IL17RE: variants seen among roughly 807,000 people sequenced by gnomAD.
IL17RE encodes the protein interleukin-17 receptor E.
IL17RE carries 47 observed loss-of-function variants against 70.7 expected under a neutral mutation model. The observed-to-expected ratio is 0.67, with a 90% CI of 0.53 to 0.85. IL17RE has a LOEUF of 0.85. IL17RE is among the 40% of genes least tolerant of loss of function. IL17RE has a pLI of 0.00. For synonymous variants in IL17RE, 372 were observed against 381.2 expected (o/e 0.98, Z 0.28); for missense variants, 850 against 893.9 (o/e 0.95, Z 0.63).
intron 5 of IL17RE, 41 bp downstream of exon 5, chr3:9,906,906 G>A (rs2082771342): frequency 6.2e-7 from 1 of 1,614,140 alleles, no homozygotes; most frequent in Non-Finnish European, 8.5e-7. Flanking sequence ...CAGCTGAGTG[G>A]TGGTACCAGT....
Position 9,914,726 on chromosome 3 carries a change from C to T in IL17RE, c.1396C>T (p.Leu466Phe). Residue 466 changes from leucine (L) to phenylalanine (F), a missense_variant, in exon 15 of 16, where the codon CTC becomes TTC. Coordinates refer to ENST00000383814, the MANE Select transcript of IL17RE (RefSeq NM_153480.2). Reference protein sequence around the residue: ...GLLILALLALLTLLGVVLALT... With the variant: ...GLLILALLALFTLLGVVLALT... ...CTTGATCCTGGCACTGCTGGCCCTC[C>T]TCACCCTACTGGGTGTTGTTCTGGC... 2 of 1,614,126 alleles carry T rather than the reference C, an allele frequency of 1.2e-6. No homozygotes were observed. The highest frequency in any genetic ancestry group is 1.7e-5 in the Admixed American group (1 of 60,018).
chr3:9,903,560 C>A, intron 2 of IL17RE, 148 bp downstream of exon 2: 1 of 839,866 alleles, frequency 1.2e-6, no homozygotes. Context: ...AGCCTGGGTT[C>A]ACATTGCAGT....
At chr3:9,911,758 T>G in intron 12 of IL17RE, 161 bp downstream of exon 12, 1 of 646,272 alleles carries the variant, frequency 1.5e-6, no homozygotes, top group South Asian at 2.3e-5. Flanking sequence ...TCAGCTAACT[T>G]GCTGACAGTA....
At chr3:9,908,351 A>T (rs374479824) in intron 7 of IL17RE, 44 bp downstream of exon 7, 1 of 1,551,010 alleles carries the variant, frequency 6.4e-7, no homozygotes, top group South Asian at 1.1e-5. Flanking sequence ...CTCTGCTCCT[A>T]AGCCCCCAAG....
upstream of IL17RE, chr3:9,902,703 G>C: frequency 6.5e-7 from 1 of 1,536,000 alleles, no homozygotes; most frequent in Non-Finnish European, 8.7e-7. Context: ...GTGGGGGGCA[G>C]TAGGGTTTTT....
chr3:9,908,118 A>G, intron 6 of IL17RE, 121 bp from the exon 7 acceptor site: 2 of 739,476 alleles, frequency 2.7e-6, no homozygotes, highest in East Asian at 2.6e-5. Context: ...GAGAAGAAGT[A>G]TCTCATATTA....
chr3:9,907,146 A>G lies in IL17RE; in HGVS notation c.666+46A>G, dbSNP rs769442892. The G allele has an allele frequency of 4.3e-6, 7 of 1,610,462 alleles. No homozygotes were observed. The African/African-American group carries it at 9.4e-5, about 22-fold the overall frequency. Reference sequence around the variant, plus strand: ...GTAAAAAGCCCGATCACACAGTGCTAGCAAAAGAGGCCACCCATTGTACAA... The same window carrying G: ...GTAAAAAGCCCGATCACACAGTGCTGGCAAAAGAGGCCACCCATTGTACAA... On this transcript the variant is annotated intron_variant, in intron 6 of 15. Coordinates refer to ENST00000383814, the MANE Select transcript of IL17RE (RefSeq NM_153480.2).
rs756181872 is a variant in IL17RE at position 9,903,095 on chromosome 3, G to C, written c.132+31G>C. The C allele has an allele frequency of 1.9e-6, 3 of 1,550,194 alleles. No homozygotes were observed. In the Admixed American group the frequency reaches 5.0e-5, roughly 26 times the overall value. On this transcript the variant is annotated intron_variant, in intron 1 of 15. Transcript: ENST00000383814. ...GTGCTGCTGCCAGGTAGGGACACCT[G>C]CCTGGCACAGCCATAAAGCTCCCCA...
rs1162667705 is a variant in IL17RE at position 9,911,283 on chromosome 3, A to G, written c.1055A>G (p.Glu352Gly). Residue 352 changes from glutamate (E) to glycine (G), a missense_variant, in exon 11 of 16, where the codon GAA becomes GGA. Transcript: ENST00000383814. The stretch of plus-strand genomic sequence containing the variant: ...TCTTTTGGAAACAGCAGCCATGTTG[A>G]ATGCCCCCACCAGACTGGTGAGTCA... The part of the protein sequence containing the change: ...KFSFGNSSHV[E>G]CPHQTGSLTS... 1 of 1,614,126 alleles carries G rather than the reference A, an allele frequency of 6.2e-7. No homozygotes were observed. The highest frequency in any genetic ancestry group is 2.2e-5 in the East Asian group (1 of 44,878).
intron 3 of IL17RE, among the ~76,000 whole-genome samples, chr3:9,904,939 A>T (rs1023968668): frequency 2.0e-5 from 3 of 150,386 alleles, no homozygotes; most frequent in African/African-American, 7.4e-5. Flanking sequence ...ACAAAAAAAT[A>T]CAAAAATTAG....
intron 12 of IL17RE, among the ~76,000 whole-genome samples, chr3:9,912,144 T>C (rs958472787): frequency 6.6e-6 from 1 of 152,214 alleles, no homozygotes; most frequent in African/African-American, 2.4e-5. Context: ...CAAACCCTAT[T>C]GTGAACGGTG....
rs461222 is a variant in IL17RE at position 9,909,247 on chromosome 3, C to G, written c.766C>G (p.Arg256Gly). The part of the protein sequence containing the change: ...ASYLQEDTVR[R>G]KKCPFQSWPE... Reference sequence around the variant, plus strand: ...CTACCTGCAAGAGGACACTGTGAGGCGCAAAAAATGTCCCTTCCAGAGCTG... The same window carrying G: ...CTACCTGCAAGAGGACACTGTGAGGGGCAAAAAATGTCCCTTCCAGAGCTG... The change falls in exon 8 of 16, where the codon CGC becomes GGC. Residue 256 changes from arginine (R) to glycine (G), a missense_variant. Arg to Gly is a moderately radical substitution (Grantham distance 125). Transcript: ENST00000383814. 2 of 1,613,930 alleles carry G rather than the reference C, an allele frequency of 1.2e-6. No homozygotes were observed. Among genetic ancestry groups the G allele is most frequent in the Admixed American group, 1.7e-5 (1 of 59,992 alleles).
intron 6 of IL17RE, 80 bp downstream of exon 6, chr3:9,907,180 A>T: frequency 4.5e-6 from 7 of 1,558,768 alleles, no homozygotes; most frequent in Non-Finnish European, 6.1e-6. Context: ...AAATGAGGAA[A>T]CTGAGGCCCA....
At chr3:9,912,404 G>A (rs372288172) in intron 12 of IL17RE, among the ~76,000 whole-genome samples, 6 of 152,192 alleles carry the variant, frequency 3.9e-5, no homozygotes, top group East Asian at 1.9e-4. Context: ...CTGCCTCCAC[G>A]AGGCACCTGT....
rs751786269 is a variant in IL17RE, at chr3:9,909,286, G to A, written c.802+3G>A. On this transcript the variant is annotated splice_donor_region_variant and intron_variant, in intron 8 of 15. Transcript: ENST00000383814. Reference sequence around the variant, plus strand: ...CTTCCAGAGCTGGCCAGAAGCCTGTGAGTGCTGTTGACACGCACCCTTGTG... The same window carrying A: ...CTTCCAGAGCTGGCCAGAAGCCTGTAAGTGCTGTTGACACGCACCCTTGTG... 14 of 1,613,416 alleles carry A rather than the reference G, an allele frequency of 8.7e-6. No individual in the cohort carries two copies. The Admixed American group carries it at 2.3e-4, about 27-fold the overall frequency.
rs970720056 is a variant in IL17RE, at chr3:9,915,932, G to A, written c.*125G>A. 1.1e-5 allele frequency: 15 copies of A among 1,322,526 alleles called. No individual in the cohort carries two copies. In the South Asian group the frequency reaches 2.1e-4, roughly 19 times the overall value. 81.9% of individuals were successfully genotyped at this position (1,322,526 alleles called of 1,614,324 possible). Reference sequence around the variant, plus strand: ...CTCGAGGACGACTGGCCGAAAAGCCGCATTCCCTGCCTCACAGGCCGGAAG... The same window carrying A: ...CTCGAGGACGACTGGCCGAAAAGCCACATTCCCTGCCTCACAGGCCGGAAG... On this transcript the variant is annotated 3_prime_UTR_variant, in exon 16 of 16. Coordinates refer to ENST00000383814, the MANE Select transcript of IL17RE (RefSeq NM_153480.2). This position sits in a 1 kb window ranked among gnomAD's most constrained non-coding sequence, Gnocchi z 4.9.
rs780124862 is a variant in IL17RE at position 9,911,083 on chromosome 3, G to A, written c.978+43G>A. ...CAGGACCAGGGTGGGCAGGGCTGGG[G>A]CCCAGGAATTTTCTCCCTGATGAAC... is the stretch of plus-strand genomic sequence containing the variant. On this transcript the variant is annotated intron_variant, in intron 9 of 15. Coordinates refer to ENST00000383814, the MANE Select transcript of IL17RE (RefSeq NM_153480.2). 6.8e-6 allele frequency: 11 copies of A among 1,613,986 alleles called. No individual in the cohort carries two copies. The Middle Eastern group carries it at 4.9e-4, about 72-fold the overall frequency.
chr3:9,914,218 C>T (rs1575496348), intron 13 of IL17RE, among the ~76,000 whole-genome samples, 194 bp downstream of exon 13: 1 of 152,340 alleles, frequency 6.6e-6, no homozygotes, highest in Non-Finnish European at 1.5e-5. Flanking sequence ...TCAGAAAAAC[C>T]TAGTGCCGTG....
intron 8 of IL17RE, among the ~76,000 whole-genome samples, chr3:9,910,653 CCAGACTGGGCG>C (rs1559272800): frequency 1.4e-4 from 21 of 152,120 alleles, no homozygotes; most frequent in Non-Finnish European, 1.5e-4. Flanking sequence ...CCACTGCACT[CCAGACTGGGCG>C]ACAGAGTGAG....
Sources: allele counts gnomAD v4.1 joint callset (sites outside exome capture counted in the v4.1 genomes callset), GRCh38; gene constraint gnomAD v4.1.1; non-coding constraint Gnocchi (gnomAD v3.1); transcripts MANE v1.5; gene names NCBI Gene and HGNC (gene_info 2026-07-23, HGNC 2026-07-21).